Variants in AGAP1 observed in about 807,000 individuals in gnomAD.
AGAP1 encodes the protein ArfGAP with GTPase domain, ankyrin repeat and PH domain 1.
AGAP1 carries 29 observed loss-of-function variants against 105.3 expected under a neutral mutation model. The observed-to-expected ratio is 0.28, with a 90% CI of 0.21 to 0.38. AGAP1 has a LOEUF of 0.38. AGAP1 is among the 10% of genes least tolerant of loss of function. The pLI, the probability that AGAP1 is intolerant of heterozygous loss-of-function variation, is 1.00. For synonymous variants in AGAP1, 509 were observed against 485.9 expected (o/e 1.05, Z -0.63); for missense variants, 998 against 1,165.1 (o/e 0.86, Z 2.09).
chr2:235,754,637 T>C lies in AGAP1; in HGVS notation c.673+4149T>C, dbSNP rs186834094. Among the ~76,000 whole-genome samples, 509 of 152,346 alleles carry C rather than the reference T, an allele frequency of 3.3e-3. No homozygotes were observed. The highest frequency in any genetic ancestry group is 5.9e-3 in the Non-Finnish European group (400 of 68,030). ...TGTTCGCTTGTGTGGTCCTGTTTAC[T>C]TTGCTTTCATGGAGTTTCCAGATGG... On this transcript the variant is annotated intron_variant, in intron 6 of 17. Coordinates refer to ENST00000304032, the MANE Select transcript of AGAP1 (RefSeq NM_001037131.3). The surrounding 1 kb of genome is among the most constrained non-coding windows in gnomAD (Gnocchi z 4.6).
intron 1 of AGAP1, among the ~76,000 whole-genome samples, chr2:235,628,953 A>T (rs1344671912): frequency 2.0e-5 from 3 of 152,104 alleles, no homozygotes; most frequent in Non-Finnish European, 4.4e-5. Context: ...CTGGGATTAC[A>T]GGCGCCTGCC....
chr2:235,503,495 C>T (rs1165186245), intron 1 of AGAP1, among the ~76,000 whole-genome samples: 1 of 152,112 alleles, frequency 6.6e-6, no homozygotes, highest in East Asian at 1.9e-4. Context: ...AACAATCAAG[C>T]CTGGGTCTCT....
intron 13 of AGAP1, among the ~76,000 whole-genome samples, chr2:236,034,922 T>C (rs1312353249): frequency 1.3e-5 from 2 of 152,138 alleles, no homozygotes; most frequent in Non-Finnish European, 2.9e-5. Context: ...CTTGGGAGCA[T>C]CACTGGGCTG....
chr2:235,619,389 G>A (rs1946405902), intron 1 of AGAP1, among the ~76,000 whole-genome samples: 1 of 150,862 alleles, frequency 6.6e-6, no homozygotes, highest in Non-Finnish European at 1.5e-5. Context: ...TGAAGTGGGG[G>A]AGCTGGGATT....
chr2:235,969,608 G>A (rs1436332440), intron 13 of AGAP1, among the ~76,000 whole-genome samples: 3 of 152,188 alleles, frequency 2.0e-5, no homozygotes, highest in Admixed American at 1.3e-4. Context: ...GTTCAAACCT[G>A]CGAGCTGTCA....
At position 235,939,558 on chromosome 2, in the gene AGAP1, A is replaced by G. The variant is rs11679633; in HGVS notation, c.1483+8635A>G. On this transcript the variant is annotated intron_variant, in intron 12 of 17. Coordinates refer to ENST00000304032, the MANE Select transcript of AGAP1 (RefSeq NM_001037131.3). Reference sequence around the variant, plus strand: ...CTCTCCTTCTATTCTCCTTCTCACCACACGTTCCAGGACACTCGTCTGTCC... The same window carrying G: ...CTCTCCTTCTATTCTCCTTCTCACCGCACGTTCCAGGACACTCGTCTGTCC... Among the ~76,000 whole-genome samples, 742 of 138,900 alleles carry G rather than the reference A, an allele frequency of 5.3e-3. 7 individuals carry two copies. The highest frequency in any genetic ancestry group is 0.032 in the Middle Eastern group (9 of 284). The allele number at this position is 138,900 out of a possible 152,430, so 91.1% of individuals were successfully genotyped here. A position where few individuals can be genotyped will look rare whatever the true frequency, so the allele number is the denominator to read the frequency against.
intron 1 of AGAP1, among the ~76,000 whole-genome samples, chr2:235,693,860 C>T (rs139732607): frequency 2.0e-5 from 3 of 152,262 alleles, no homozygotes; most frequent in African/African-American, 7.2e-5. Flanking sequence ...GTGAGTTGAT[C>T]CTCAGCCCTT....
chr2:235,764,641 T>TGATGGGGGCACCTGGGAGCGCCCGTGG (rs764665641), intron 6 of AGAP1, among the ~76,000 whole-genome samples: 14,023 of 143,530 alleles, frequency 0.098, 2,287 homozygotes, highest in Admixed American at 0.2. Flanking sequence ...TTCCCACCCC[T>TGATGGGGGCACCTGGGAGCGCCCGTGG]GATGGGGGCA....
Position 236,109,826 on chromosome 2 carries a change from C to T in AGAP1, c.2115-10366C>T, listed in dbSNP as rs1436507927. Among the ~76,000 whole-genome samples the T allele has an allele frequency of 3.9e-5, 6 of 152,370 alleles. No individual in the cohort carries two copies. The highest frequency in any genetic ancestry group is 3.4e-3 in the Middle Eastern group (1 of 294). The stretch of plus-strand genomic sequence containing the variant: ...AATTCACGTCAACACCCACGGGCAG[C>T]TTACAGCTGCCCCATTGGGGGGCAC... On this transcript the variant is annotated intron_variant, in intron 16 of 17. Coordinates refer to ENST00000304032, the MANE Select transcript of AGAP1 (RefSeq NM_001037131.3). This position sits in a 1 kb window ranked among gnomAD's most constrained non-coding sequence, Gnocchi z 5.4.
chr2:235,758,706 G>A (rs557230257), intron 6 of AGAP1, among the ~76,000 whole-genome samples: 6 of 152,358 alleles, frequency 3.9e-5, no homozygotes, highest in South Asian at 4.1e-4. Flanking sequence ...GGCTCTGGCA[G>A]CACTTATGCG....
rs1372388490 is a variant in AGAP1 at position 235,992,632 on chromosome 2, G to T, written c.1645+24009G>T. 6.6e-6 allele frequency among the ~76,000 whole-genome samples: 1 copy of T among 152,196 alleles called. No homozygotes were observed. The highest frequency in any genetic ancestry group is 1.5e-5 in the Non-Finnish European group (1 of 68,040). ...TGTTATATTATGCTTTTTAAATGTT[G>T]AAGGCAATACTCATCAGAGTATGCA... On this transcript the variant is annotated intron_variant, in intron 13 of 17. Coordinates refer to ENST00000304032, the MANE Select transcript of AGAP1 (RefSeq NM_001037131.3). This position sits in a 1 kb window ranked among gnomAD's most constrained non-coding sequence, Gnocchi z 4.8.
In AGAP1 at chr2:235,729,552, G is replaced by T. The variant is rs1286748554; in HGVS notation, c.311-11411G>T. 6.6e-6 allele frequency among the ~76,000 whole-genome samples: 1 copy of T among 152,166 alleles called. No individual in the cohort carries two copies. The highest frequency in any genetic ancestry group is 1.5e-5 in the Non-Finnish European group (1 of 68,042). On this transcript the variant is annotated intron_variant, in intron 3 of 17. Coordinates refer to ENST00000304032, the MANE Select transcript of AGAP1 (RefSeq NM_001037131.3). The surrounding 1 kb of genome is among the most constrained non-coding windows in gnomAD (Gnocchi z 5.0). ...ACCTGTGGATGAGAGGCTGGACCGGGTCTTGGTGCTTTCCAGCTCAGGGCG... is the reference window on the plus strand; with the variant it reads ...ACCTGTGGATGAGAGGCTGGACCGGTTCTTGGTGCTTTCCAGCTCAGGGCG...
At chr2:235,681,261 G>A (rs1010391950) in intron 1 of AGAP1, among the ~76,000 whole-genome samples, 2 of 152,038 alleles carry the variant, frequency 1.3e-5, no homozygotes, top group African/African-American at 4.8e-5. Flanking sequence ...TGCCCTCCTC[G>A]GCCTCCCAAA....
intron 12 of AGAP1, among the ~76,000 whole-genome samples, chr2:235,943,457 C>T (rs1429673984): frequency 6.9e-6 from 1 of 144,038 alleles, no homozygotes; most frequent in African/African-American, 2.7e-5. Context: ...TCAAGTAATT[C>T]TCCTGCCTCA....
chr2:235,696,800 A>G (rs748565319), intron 1 of AGAP1, among the ~76,000 whole-genome samples: 3 of 152,038 alleles, frequency 2.0e-5, no homozygotes, highest in Non-Finnish European at 2.9e-5. Flanking sequence ...CCCAGCCAAC[A>G]CAGTGAAACC....
chr2:235,875,427 G>C lies in AGAP1; in HGVS notation c.1051-7918G>C, dbSNP rs543682322. Among the ~76,000 whole-genome samples, 1 of 152,162 alleles carries C rather than the reference G, an allele frequency of 6.6e-6. No homozygotes were observed. Among genetic ancestry groups the C allele is most frequent in the African/African-American group, 2.4e-5 (1 of 41,446 alleles). The stretch of plus-strand genomic sequence containing the variant: ...CCCAGCGGACCGGCCTTCCTCACTC[G>C]ATGATTGTCAGGGCTGAGAACCCAG... On this transcript the variant is annotated intron_variant, in intron 9 of 17. Transcript: ENST00000304032. This position sits in a 1 kb window ranked among gnomAD's most constrained non-coding sequence, Gnocchi z 4.0.
chr2:235,762,426 G>A (rs367723771), intron 6 of AGAP1, among the ~76,000 whole-genome samples: 4 of 142,482 alleles, frequency 2.8e-5, no homozygotes, highest in African/African-American at 1.0e-4. Flanking sequence ...CCTAAAGGTT[G>A]GGTTCTGGAA....
chr2:235,730,839 T>G (rs2149607780), intron 3 of AGAP1, among the ~76,000 whole-genome samples: 1 of 152,274 alleles, frequency 6.6e-6, no homozygotes, highest in South Asian at 2.1e-4. Context: ...CTTATTTGGT[T>G]ATGTATTAGG....
intron 13 of AGAP1, among the ~76,000 whole-genome samples, chr2:236,008,031 A>G (rs550547245): frequency 2.0e-5 from 3 of 152,336 alleles, no homozygotes; most frequent in African/African-American, 7.2e-5. Flanking sequence ...ATTTTTTTCT[A>G]AGTGAGAATT....
Sources: gnomAD v4.1 joint callset for allele counts (sites outside exome capture counted in the v4.1 genomes callset) on GRCh38, gnomAD v4.1.1 for gene constraint, Gnocchi (gnomAD v3.1) non-coding constraint, MANE v1.5 for transcripts, NCBI Gene and HGNC (gene_info 2026-07-23, HGNC 2026-07-21) for gene names.